DCPH1: variants seen among roughly 807,000 people sequenced by gnomAD.
The protein encoded by DCPH1 is damage-control phosphatase 1.
chr6:151,463,731 A>C, the DCPH1 span, among the ~76,000 whole-genome samples: 1 of 152,202 alleles, frequency 6.6e-6, no homozygotes, highest in Non-Finnish European at 1.5e-5. Context: ...AAAGTAGCTA[A>C]TTTGGAAGAC....
At chr6:151,456,761 C>T in the DCPH1 span, among the ~76,000 whole-genome samples, 1 of 152,180 alleles carries the variant, frequency 6.6e-6, no homozygotes, top group East Asian at 1.9e-4. Context: ...AGCAATTCTC[C>T]CAGTTCAGCA....
At chr6:151,467,259 A>C in the DCPH1 span, among the ~76,000 whole-genome samples, 11 of 151,840 alleles carry the variant, frequency 7.2e-5, no homozygotes, top group South Asian at 6.2e-4. Context: ...CAAAAAAAAA[A>C]AAAACAAAAC....
chr6:151,468,155 C>T, the DCPH1 span, among the ~76,000 whole-genome samples: 37 of 152,094 alleles, frequency 2.4e-4, no homozygotes, highest in African/African-American at 7.5e-4. Context: ...TCAGTTTTAT[C>T]TTGTTAATAC....
the DCPH1 span, among the ~76,000 whole-genome samples, chr6:151,455,182 T>C: frequency 5.4e-5 from 8 of 147,472 alleles, no homozygotes; most frequent in Admixed American, 4.8e-4. Context: ...AATTAATGGA[T>C]GAGGAAAAAT....
At chr6:151,455,270 T>A in the DCPH1 span, among the ~76,000 whole-genome samples, 5 of 152,154 alleles carry the variant, frequency 3.3e-5, no homozygotes, top group Non-Finnish European at 7.3e-5. Context: ...AACGAGAGAC[T>A]TGGAAAAGAA....
the DCPH1 span, among the ~76,000 whole-genome samples, chr6:151,465,897 AG>A: frequency 1.3e-5 from 2 of 152,182 alleles, no homozygotes; most frequent in Non-Finnish European, 2.9e-5. Context: ...GCATATTTTG[AG>A]TTCAAAACAA....
chr6:151,468,383 GT>G, the DCPH1 span: 1 of 1,580,352 alleles, frequency 6.3e-7, no homozygotes, highest in Non-Finnish European at 8.6e-7. Context: ...TCTCTCTCAG[GT>G]GGAGAAAGTA....
the DCPH1 span, chr6:151,464,648 G>A: frequency 6.6e-7 from 1 of 1,508,672 alleles, no homozygotes. Flanking sequence ...TTCTGAGTAT[G>A]TTTTATTTAA....
chr6:151,462,084 T>C, the DCPH1 span, among the ~76,000 whole-genome samples: 1 of 152,218 alleles, frequency 6.6e-6, no homozygotes, highest in Non-Finnish European at 1.5e-5. Context: ...CATGCAATAG[T>C]CTGCCAGTCT....
At chr6:151,455,782 T>A in the DCPH1 span, among the ~76,000 whole-genome samples, 1 of 152,082 alleles carries the variant, frequency 6.6e-6, no homozygotes, top group African/African-American at 2.4e-5. Flanking sequence ...TGGGGGACGG[T>A]CAGGTCTTTC....
the DCPH1 span, among the ~76,000 whole-genome samples, chr6:151,464,047 CA>C: frequency 6.6e-6 from 1 of 152,100 alleles, no homozygotes; most frequent in Non-Finnish European, 1.5e-5. Context: ...GCATTGTATT[CA>C]AATATTCTGT....
chr6:151,457,689 A>C, the DCPH1 span, among the ~76,000 whole-genome samples: 1 of 152,218 alleles, frequency 6.6e-6, no homozygotes. Flanking sequence ...ATGATCTTAT[A>C]AAAATACTCA....
chr6:151,460,467 A>C, the DCPH1 span, among the ~76,000 whole-genome samples: 1 of 151,458 alleles, frequency 6.6e-6, no homozygotes, highest in Non-Finnish European at 1.5e-5. Flanking sequence ...AGAACTTCTG[A>C]TCTAAAAGCA....
At chr6:151,458,362 T>G in the DCPH1 span, 1 of 1,613,452 alleles carries the variant, frequency 6.2e-7, no homozygotes, top group South Asian at 1.1e-5. Flanking sequence ...GCTATCTCTC[T>G]CCTTTCTAAA....
At chr6:151,468,364 T>G in the DCPH1 span, 2 of 1,555,506 alleles carry the variant, frequency 1.3e-6, no homozygotes, top group Non-Finnish European at 1.7e-6. Context: ...GGGAAATAAG[T>G]GTGATCTGTC....
chr6:151,452,638 G>A, the DCPH1 span: 4 of 1,569,936 alleles, frequency 2.5e-6, no homozygotes, highest in South Asian at 4.6e-5. Context: ...GGCCTCGCCG[G>A]GAGCCTGTGG....
chr6:151,458,291 C>CAG, the DCPH1 span: 3 of 1,595,722 alleles, frequency 1.9e-6, no homozygotes, highest in Admixed American at 5.1e-5. Flanking sequence ...CACAGACACA[C>CAG]ACACACACAC....
chr6:151,468,716 G>A, the DCPH1 span: 1 of 1,614,132 alleles, frequency 6.2e-7, no homozygotes, highest in Non-Finnish European at 8.5e-7. Flanking sequence ...AATCATAAGT[G>A]GATGTCCAAG....
At chr6:151,468,207 A>C in the DCPH1 span, 51 of 596,512 alleles carry the variant, frequency 8.5e-5, no homozygotes, top group Non-Finnish European at 1.1e-4. Context: ...TAGAGAAAGT[A>C]TAGATTTGAT....
Sources: allele counts gnomAD v4.1 joint callset (sites outside exome capture counted in the v4.1 genomes callset), GRCh38; gene constraint gnomAD v4.1.1; transcripts MANE v1.5; gene names NCBI Gene and HGNC (gene_info 2026-07-23, HGNC 2026-07-21).